Variants in VPS13B observed in about 807,000 individuals in gnomAD.
The protein encoded by VPS13B is vacuolar protein sorting 13 homolog B, also known as intermembrane lipid transfer protein VPS13B.
A neutral mutation model predicts 426.4 loss-of-function variants in VPS13B; 285 were observed. The observed-to-expected ratio is 0.67, with a 90% CI of 0.61 to 0.74. The LOEUF is 0.74. Ranked by LOEUF, VPS13B falls within the 30% of genes least tolerant of loss-of-function variation. VPS13B has a pLI of 0.00. For missense variants in VPS13B, 4,537 were observed against 4,782.6 expected (o/e 0.95, Z 1.51); for synonymous variants, 1,676 against 1,676.4 (o/e 1.00, Z 0.01).
At chr8:99,227,007 C>T (rs184237627) in intron 17 of VPS13B, among the ~76,000 whole-genome samples, 3 of 152,220 alleles carry the variant, frequency 2.0e-5, no homozygotes, top group African/African-American at 4.8e-5. Flanking sequence ...TATGTTTGTA[C>T]TCATTGACCC....
chr8:99,493,454 G>A (rs968648141), intron 25 of VPS13B, among the ~76,000 whole-genome samples: 3 of 152,138 alleles, frequency 2.0e-5, no homozygotes, highest in African/African-American at 4.8e-5. Flanking sequence ...AAATTTGAAA[G>A]TCTTAGTTTA....
intron 23 of VPS13B, among the ~76,000 whole-genome samples, chr8:99,456,256 C>T (rs148882540): frequency 0.013 from 2,030 of 152,252 alleles, 19 homozygotes; most frequent in Non-Finnish European, 0.02. Context: ...GCAACCTCTG[C>T]CTCCTGGGTT....
At chr8:99,855,931 A>G (rs192368137) in intron 56 of VPS13B, among the ~76,000 whole-genome samples, 286 of 152,332 alleles carry the variant, frequency 1.9e-3, no homozygotes, top group African/African-American at 6.1e-3. Flanking sequence ...AGTTCCAGAA[A>G]CTTTCCCTTC....
intron 34 of VPS13B, among the ~76,000 whole-genome samples, chr8:99,644,696 G>A (rs936479481): frequency 2.4e-4 from 37 of 152,114 alleles, no homozygotes; most frequent in African/African-American, 8.5e-4. Flanking sequence ...TATCTCAGTA[G>A]TATGACTCCT....
intron 23 of VPS13B, among the ~76,000 whole-genome samples, chr8:99,452,160 A>G (rs1209215256): frequency 6.6e-6 from 1 of 152,070 alleles, no homozygotes; most frequent in East Asian, 1.9e-4. Flanking sequence ...CTCCAGCCCT[A>G]GTAACCTTTC....
chr8:99,806,051 G>A (rs1464479440), intron 43 of VPS13B, among the ~76,000 whole-genome samples: 1 of 152,102 alleles, frequency 6.6e-6, no homozygotes, highest in Admixed American at 6.5e-5. Context: ...TCTAGCCCAC[G>A]TTGCCCCTCA....
intron 43 of VPS13B, among the ~76,000 whole-genome samples, chr8:99,805,070 ATAT>A (rs1449797900): frequency 7.4e-6 from 1 of 135,216 alleles, no homozygotes; most frequent in Admixed American, 7.3e-5. Flanking sequence ...TTACCAGAAT[ATAT>A]ATATATATAT....
intron 36 of VPS13B, among the ~76,000 whole-genome samples, chr8:99,715,725 C>T (rs1832891290): frequency 6.6e-6 from 1 of 152,166 alleles, no homozygotes; most frequent in Non-Finnish European, 1.5e-5. Context: ...GCAATCCTGA[C>T]ATTCTGTTAA....
At chr8:99,124,901 A>G (rs1402272216) in intron 8 of VPS13B, among the ~76,000 whole-genome samples, 3 of 151,422 alleles carry the variant, frequency 2.0e-5, no homozygotes, top group African/African-American at 7.3e-5. Flanking sequence ...AAAAAAAAAA[A>G]AGGAATGAAG....
chr8:99,085,916 A>G (rs1041224352), intron 3 of VPS13B, among the ~76,000 whole-genome samples: 2 of 152,074 alleles, frequency 1.3e-5, no homozygotes, highest in African/African-American at 4.8e-5. Context: ...GAATGTGACA[A>G]TTATGTGTCT....
rs1277962923 is a variant in VPS13B at position 99,287,218 on chromosome 8, GTATCTATCTGTCTGTC to G, written c.2824+11974_2824+11989del. On this transcript the variant is annotated intron_variant, in intron 19 of 61. Transcript: ENST00000357162. Reference sequence around the variant, plus strand: ...GTATTAAGGAGATATATGTGTGTGTGTATCTATCTGTCTGTCTATCTATCTATCTATCTATCTATCT... The same window carrying G: ...GTATTAAGGAGATATATGTGTGTGTGTATCTATCTATCTATCTATCTATCT... 3.5e-3 allele frequency among the ~76,000 whole-genome samples: 501 copies of G among 141,554 alleles called. 6 individuals are homozygous for G. Among genetic ancestry groups the G allele is most frequent in the East Asian group, 8.2e-3 (37 of 4,534 alleles). 92.9% of individuals were successfully genotyped at this position (141,554 alleles called of 152,430 possible). A position where few individuals can be genotyped will look rare whatever the true frequency, so the allele number is the denominator to read the frequency against.
chr8:99,586,805 A>T (rs959524484), intron 33 of VPS13B, among the ~76,000 whole-genome samples: 5 of 152,136 alleles, frequency 3.3e-5, no homozygotes, highest in African/African-American at 4.8e-5. Context: ...ACTACCATTG[A>T]CACTCTTCCC....
At chr8:99,795,872 G>GAAAAA in intron 43 of VPS13B, among the ~76,000 whole-genome samples, 1 of 152,294 alleles carries the variant, frequency 6.6e-6, no homozygotes, top group African/African-American at 2.4e-5. Flanking sequence ...TATCTTTTAT[G>GAAAAA]TCCTAGCCTC....
At chr8:99,652,209 G>A (rs368316335) in intron 34 of VPS13B, among the ~76,000 whole-genome samples, 2 of 151,962 alleles carry the variant, frequency 1.3e-5, no homozygotes, top group African/African-American at 4.8e-5. Flanking sequence ...TAGACCTCTC[G>A]GTACTAAGTT....
intron 19 of VPS13B, among the ~76,000 whole-genome samples, chr8:99,339,497 C>A (rs1449054227): frequency 1.3e-5 from 2 of 152,126 alleles, no homozygotes; most frequent in African/African-American, 4.8e-5. Flanking sequence ...CTAATCCATT[C>A]ATGAGAAATC....
intron 40 of VPS13B, among the ~76,000 whole-genome samples, chr8:99,773,034 C>T (rs1195126011): frequency 6.6e-6 from 1 of 152,162 alleles, no homozygotes; most frequent in Admixed American, 6.6e-5. Flanking sequence ...CAGTATGGTA[C>T]CTTGTCTTGC....
chr8:99,695,390 C>G (rs1831919884), intron 35 of VPS13B, among the ~76,000 whole-genome samples: 1 of 150,868 alleles, frequency 6.6e-6, no homozygotes, highest in African/African-American at 2.4e-5. Context: ...GAGTTCATGT[C>G]CTTTGTAGGG....
Position 99,492,242 on chromosome 8 carries a change from A to T in VPS13B, c.3871-9445A>T, listed in dbSNP as rs1290609482. ...GCCTGATTCTTCCTCTGGAAGCTTCATCCCAGAGGGGCATCCGCCTGTATG... is the reference window on the plus strand; with the variant it reads ...GCCTGATTCTTCCTCTGGAAGCTTCTTCCCAGAGGGGCATCCGCCTGTATG... On this transcript the variant is annotated intron_variant, in intron 25 of 61. Transcript: ENST00000357162. 4.6e-5 allele frequency among the ~76,000 whole-genome samples: 7 copies of T among 152,122 alleles called. No individual in the cohort carries two copies. In the East Asian group the frequency reaches 7.7e-4, roughly 17 times the overall value.
chr8:99,792,200 G>A (rs1430941914), intron 43 of VPS13B, among the ~76,000 whole-genome samples: 1 of 152,054 alleles, frequency 6.6e-6, no homozygotes, highest in Non-Finnish European at 1.5e-5. Flanking sequence ...GCAGTCATAA[G>A]AGAATCCAGA....
Sources: gnomAD v4.1 joint callset for allele counts (sites outside exome capture counted in the v4.1 genomes callset) on GRCh38, gnomAD v4.1.1 for gene constraint, MANE v1.5 for transcripts, NCBI Gene and HGNC (gene_info 2026-07-23, HGNC 2026-07-21) for gene names.